Variants in ANKRD6 observed in about 807,000 individuals in gnomAD.
ANKRD6 encodes ankyrin repeat domain 6, also known as ankyrin repeat domain-containing protein 6.
Under a neutral mutation model 82.3 loss-of-function variants are expected in ANKRD6, and 56 were observed. That is an observed-to-expected ratio of 0.68 (90% confidence interval 0.55 to 0.85). The LOEUF is 0.85. Among genes scored for constraint, ANKRD6 ranks in the 40% least tolerant of loss-of-function variants. ANKRD6 has a pLI of 0.00. For missense variants in ANKRD6, 852 were observed against 907.6 expected (o/e 0.94, Z 0.79); for synonymous variants, 347 against 352.1 (o/e 0.99, Z 0.16).
chr6:89,605,094 G>A (rs1362797291), intron 4 of ANKRD6, among the ~76,000 whole-genome samples: 1 of 148,284 alleles, frequency 6.7e-6, no homozygotes, highest in Non-Finnish European at 1.5e-5. Context: ...CTATTTAAAA[G>A]CAACACATTA....
intron 1 of ANKRD6, chr6:89,565,179 A>G (rs954843230): frequency 2.6e-5 from 4 of 151,294 alleles, no homozygotes; most frequent in African/African-American, 9.7e-5. Flanking sequence ...TCTCAACTTT[A>G]TTCCTTCTTT....
chr6:89,576,938 A>T (rs1175899503), intron 2 of ANKRD6, among the ~76,000 whole-genome samples: 12 of 149,660 alleles, frequency 8.0e-5, no homozygotes, highest in Non-Finnish European at 1.6e-4. Flanking sequence ...TTTATTTTTT[A>T]TTTTTTTTTG....
chr6:89,576,713 A>G (rs1298278743), intron 2 of ANKRD6, among the ~76,000 whole-genome samples: 1 of 152,050 alleles, frequency 6.6e-6, no homozygotes, highest in South Asian at 2.1e-4. Flanking sequence ...TGGGTCTGTC[A>G]GCTCTGCCTC....
At position 89,503,645 on chromosome 6, in the gene ANKRD6, A is replaced by G. The variant is rs1254096162; in HGVS notation, c.-143-63189A>G. On this transcript the variant is annotated intron_variant, in intron 1 of 15. Coordinates refer to ENST00000339746, the MANE Select transcript of ANKRD6 (RefSeq NM_001242809.2). ...ACAAGTTCTATTCTCAAGGAGCCAG[A>G]GAGGGTGACAAATGGTAAACAAAAT... Among the ~76,000 whole-genome samples the G allele has an allele frequency of 2.6e-5, 4 of 152,368 alleles. No homozygotes were observed. In the East Asian group the frequency reaches 7.7e-4, roughly 29 times the overall value.
intron 1 of ANKRD6, among the ~76,000 whole-genome samples, chr6:89,492,978 TG>T: frequency 6.6e-6 from 1 of 152,348 alleles, no homozygotes; most frequent in Middle Eastern, 3.4e-3. Context: ...CATATACTCA[TG>T]GCTTATGGCT....
chr6:89,591,522 A>G (rs953704490), intron 2 of ANKRD6, among the ~76,000 whole-genome samples: 2 of 152,222 alleles, frequency 1.3e-5, no homozygotes, highest in African/African-American at 4.8e-5. Context: ...AGTCATTCAA[A>G]GGTGCCTCTA....
At chr6:89,563,047 C>A (rs1787704111) in intron 1 of ANKRD6, 1 of 152,174 alleles carries the variant, frequency 6.6e-6, no homozygotes, top group Non-Finnish European at 1.5e-5. Context: ...CTTTTATTTG[C>A]AGGTCTCTTC....
chr6:89,457,852 C>T (rs552559201), intron 1 of ANKRD6, among the ~76,000 whole-genome samples: 2 of 152,290 alleles, frequency 1.3e-5, no homozygotes, highest in African/African-American at 4.8e-5. Flanking sequence ...ATGTTTGTGT[C>T]TCCCCCGCGA....
chr6:89,455,770 C>T (rs930385625), intron 1 of ANKRD6, among the ~76,000 whole-genome samples: 2 of 152,268 alleles, frequency 1.3e-5, no homozygotes, highest in South Asian at 2.1e-4. Flanking sequence ...CCTGAGGCCT[C>T]CCCAGAAGCT....
intron 1 of ANKRD6, among the ~76,000 whole-genome samples, chr6:89,545,212 CAAAAA>C (rs754348482): frequency 2.3e-5 from 2 of 86,370 alleles, no homozygotes. Context: ...GACTCCATCT[CAAAAA>C]AAAAAAAAAA....
intron 1 of ANKRD6, among the ~76,000 whole-genome samples, chr6:89,523,244 A>G (rs1782086535): frequency 1.3e-5 from 2 of 152,128 alleles, no homozygotes; most frequent in Admixed American, 1.3e-4. Context: ...TTTGTTCTGA[A>G]GGCTGTTTGC....
At position 89,606,109 on chromosome 6, in the gene ANKRD6, A is replaced by C. The variant is rs1388333797; in HGVS notation, c.417+4A>C. 1.9e-6 allele frequency: 3 copies of C among 1,552,514 alleles called. No individual in the cohort carries two copies. In the East Asian group the frequency reaches 7.1e-5, roughly 37 times the overall value. The stretch of plus-strand genomic sequence containing the variant: ...CAACGTGCTTGCCAAGAACAAGGTG[A>C]GGCCTGGCAGATGCTAGAATGCCTC... On this transcript the variant is annotated splice_donor_region_variant and intron_variant, in intron 5 of 15. Coordinates refer to ENST00000339746, the MANE Select transcript of ANKRD6 (RefSeq NM_001242809.2).
At chr6:89,576,874 T>C (rs140009062) in intron 2 of ANKRD6, among the ~76,000 whole-genome samples, 53 of 152,262 alleles carry the variant, frequency 3.5e-4, no homozygotes, top group African/African-American at 1.3e-3. Flanking sequence ...TGTCTCCATC[T>C]CCAGCTTCGC....
rs72924994 is a variant in ANKRD6, at chr6:89,491,964, C to T, written c.-144+58589C>T. Among the ~76,000 whole-genome samples, 679 of 152,276 alleles carry T rather than the reference C, an allele frequency of 4.5e-3. 2 individuals are homozygous for T. Among genetic ancestry groups the T allele is most frequent in the Non-Finnish European group, 7.0e-3 (479 of 68,018 alleles). On this transcript the variant is annotated intron_variant, in intron 1 of 15. Transcript: ENST00000339746. Reference sequence around the variant, plus strand: ...TCGCCTTTGTCCAATCATACTTCATCGCTCTCCACTTCTTCATCATACCCA... The same window carrying T: ...TCGCCTTTGTCCAATCATACTTCATTGCTCTCCACTTCTTCATCATACCCA...
chr6:89,606,145 G>T (rs376629835), intron 5 of ANKRD6, 40 bp downstream of exon 5: 23 of 1,474,556 alleles, frequency 1.6e-5, no homozygotes, highest in Non-Finnish European at 2.1e-5. Flanking sequence ...ATTCACAGGT[G>T]AGGATGGCTG....
chr6:89,587,874 G>T (rs559472753), intron 2 of ANKRD6, among the ~76,000 whole-genome samples: 1 of 152,290 alleles, frequency 6.6e-6, no homozygotes, highest in East Asian at 1.9e-4. Context: ...AACTCTGAAA[G>T]CTTCTTAAAT....
chr6:89,469,234 A>G (rs543393574), intron 1 of ANKRD6, among the ~76,000 whole-genome samples: 1 of 152,328 alleles, frequency 6.6e-6, no homozygotes, highest in Non-Finnish European at 1.5e-5. Context: ...CATGTTATAT[A>G]TAGACCCCTA....
Position 89,629,143 on chromosome 6 carries a change from G to A in ANKRD6, c.1517G>A (p.Cys506Tyr). 6.2e-7 allele frequency: 1 copy of A among 1,613,440 alleles called. No individual in the cohort carries two copies. The highest frequency in any genetic ancestry group is 8.5e-7 in the Non-Finnish European group (1 of 1,179,756). ...TTGGTGGATGAATTAAAAACCTGGT[G>A]CATGTTAAAGATTCAGAATCTGGAG... ...ISLVDELKTWCMLKIQNLEQK... is the reference protein window; with the variant it reads ...ISLVDELKTWYMLKIQNLEQK... The change falls in exon 15 of 16, where the codon TGC (cysteine) becomes TAC (tyrosine). Residue 506 changes from cysteine to tyrosine, a missense_variant. Coordinates refer to ENST00000339746, the MANE Select transcript of ANKRD6 (RefSeq NM_001242809.2).
chr6:89,616,449 G>C, intron 7 of ANKRD6, 110 bp from the exon 8 acceptor site: 1 of 986,896 alleles, frequency 1.0e-6, no homozygotes, highest in Non-Finnish European at 1.6e-6. Context: ...TTCAGTCTCA[G>C]GCAAATCTCA....
Sources: gnomAD v4.1 joint callset for allele counts (sites outside exome capture counted in the v4.1 genomes callset) on GRCh38, gnomAD v4.1.1 for gene constraint, MANE v1.5 for transcripts, NCBI Gene and HGNC (gene_info 2026-07-23, HGNC 2026-07-21) for gene names.